The following MDGA2 variants were observed in gnomAD, a reference collection of about 807,000 sequenced individuals.
MDGA2 encodes the protein MAM domain-containing glycosylphosphatidylinositol anchor protein 2.
Under a neutral mutation model 117.8 loss-of-function variants are expected in MDGA2, and 40 were observed. That is an observed-to-expected ratio of 0.34 (90% confidence interval 0.26 to 0.44). The LOEUF (loss-of-function observed/expected upper bound fraction) is 0.44. MDGA2 is among the 20% of genes least tolerant of loss of function. The pLI, the probability that MDGA2 is intolerant of heterozygous loss-of-function variation, is 1.00. For missense variants in MDGA2, 1,123 were observed against 1,250.6 expected (o/e 0.90, Z 1.54); for synonymous variants, 452 against 439.0 (o/e 1.03, Z -0.37).
rs568425777 is a variant in MDGA2, at chr14:47,302,606, A to G, written c.281-1056T>C. Among the ~76,000 whole-genome samples, 220 of 152,258 alleles carry G rather than the reference A, an allele frequency of 1.4e-3. 1 individual carries two copies. Among genetic ancestry groups the G allele is most frequent in the African/African-American group, 5.1e-3 (214 of 41,576 alleles). ...TAACGCCAGTGCCAGCATATTAGGAATGTTTTATCTAACATTAAAGACAAT... is the reference window on the plus strand; with the variant it reads ...TAACGCCAGTGCCAGCATATTAGGAGTGTTTTATCTAACATTAAAGACAAT... On this transcript the variant is annotated intron_variant, in intron 1 of 16. Transcript: ENST00000399232.
intron 3 of MDGA2, among the ~76,000 whole-genome samples, chr14:47,212,933 C>T (rs1166499816): frequency 6.6e-6 from 1 of 152,110 alleles, no homozygotes; most frequent in East Asian, 1.9e-4. Context: ...TTCAATCTGT[C>T]CCGGTTGCTT....
chr14:46,943,622 C>T (rs1450721246), intron 9 of MDGA2, among the ~76,000 whole-genome samples: 2 of 151,990 alleles, frequency 1.3e-5, no homozygotes, highest in Non-Finnish European at 2.9e-5. Flanking sequence ...TCTGAGGTCC[C>T]TATTTACTTC....
At chr14:47,248,141 T>C (rs1887312567) in intron 2 of MDGA2, among the ~76,000 whole-genome samples, 1 of 151,678 alleles carries the variant, frequency 6.6e-6, no homozygotes, top group Admixed American at 6.6e-5. Flanking sequence ...GAATGATTTA[T>C]AATCCTTTGG....
intron 1 of MDGA2, among the ~76,000 whole-genome samples, chr14:47,491,401 A>C (rs2138654230): frequency 6.6e-6 from 1 of 152,254 alleles, no homozygotes; most frequent in South Asian, 2.1e-4. Flanking sequence ...TATGAGAATA[A>C]GGGGCGTGTT....
chr14:47,106,558 T>C (rs1473179307), intron 5 of MDGA2, among the ~76,000 whole-genome samples: 1 of 151,866 alleles, frequency 6.6e-6, no homozygotes, highest in Non-Finnish European at 1.5e-5. Context: ...ATCGGACTGT[T>C]CAACTCACCT....
At chr14:46,857,623 C>A (rs897390493) in intron 14 of MDGA2, among the ~76,000 whole-genome samples, 1 of 151,848 alleles carries the variant, frequency 6.6e-6, no homozygotes, top group Non-Finnish European at 1.5e-5. Context: ...TAAGTCTTTT[C>A]CATTAATTCT....
intron 1 of MDGA2, among the ~76,000 whole-genome samples, chr14:47,543,687 A>G (rs947378835): frequency 1.3e-5 from 2 of 152,254 alleles, no homozygotes; most frequent in African/African-American, 4.8e-5. Context: ...TGCTAGAGGT[A>G]TAGTCATAAA....
chr14:47,163,604 T>C (rs1271191150), intron 3 of MDGA2, among the ~76,000 whole-genome samples: 3 of 152,150 alleles, frequency 2.0e-5, no homozygotes. Context: ...CATGGAACTG[T>C]AAGTCCAATA....
chr14:47,577,023 T>A (rs1896128440), intron 1 of MDGA2, among the ~76,000 whole-genome samples: 1 of 152,082 alleles, frequency 6.6e-6, no homozygotes, highest in Non-Finnish European at 1.5e-5. Context: ...AGTGCTAAGA[T>A]TACAAGCACG....
chr14:47,195,644 T>A (rs1442519304), intron 3 of MDGA2, among the ~76,000 whole-genome samples: 1 of 152,088 alleles, frequency 6.6e-6, no homozygotes, highest in Admixed American at 6.5e-5. Context: ...TTGACTTTTG[T>A]TGTGTATCTT....
intron 4 of MDGA2, among the ~76,000 whole-genome samples, chr14:47,135,612 T>G (rs1882414846): frequency 6.6e-6 from 1 of 152,132 alleles, no homozygotes; most frequent in Non-Finnish European, 1.5e-5. Flanking sequence ...CTTTTCTTTT[T>G]TTTTCAGGGG....
chr14:47,318,139 T>C (rs879385331), intron 1 of MDGA2, among the ~76,000 whole-genome samples: 3 of 152,132 alleles, frequency 2.0e-5, no homozygotes, highest in East Asian at 1.9e-4. Context: ...ACCTATCCCA[T>C]TGAATCTCCA....
At chr14:47,101,127 AGAT>A (rs1566624393) in intron 5 of MDGA2, among the ~76,000 whole-genome samples, 8 of 61,422 alleles carry the variant, frequency 1.3e-4, no homozygotes, top group Admixed American at 4.5e-4. Flanking sequence ...ATAGATAGAC[AGAT>A]AGATAGAAAG....
chr14:47,051,274 C>T (rs929997593), intron 7 of MDGA2, among the ~76,000 whole-genome samples: 21 of 151,782 alleles, frequency 1.4e-4, no homozygotes, highest in Admixed American at 3.3e-4. Flanking sequence ...ATTTTAAATC[C>T]GTGCTAATAA....
At chr14:46,958,208 T>A (rs929264525) in intron 8 of MDGA2, among the ~76,000 whole-genome samples, 10 of 152,070 alleles carry the variant, frequency 6.6e-5, no homozygotes, top group African/African-American at 2.4e-4. Context: ...TCTTCCAGAA[T>A]GTATAGGAGA....
chr14:47,095,293 A>G (rs993009889), intron 6 of MDGA2, among the ~76,000 whole-genome samples: 1 of 152,008 alleles, frequency 6.6e-6, no homozygotes, highest in Admixed American at 6.6e-5. Context: ...TTAAAATAAA[A>G]TCTCAGAGGC....
intron 1 of MDGA2, among the ~76,000 whole-genome samples, chr14:47,375,998 A>C (rs1435218575): frequency 6.6e-6 from 1 of 152,116 alleles, no homozygotes; most frequent in Non-Finnish European, 1.5e-5. Context: ...TATATTTACA[A>C]GATTATTCCA....
intron 1 of MDGA2, among the ~76,000 whole-genome samples, chr14:47,556,859 T>C (rs1895693424): frequency 6.6e-6 from 1 of 152,228 alleles, no homozygotes; most frequent in South Asian, 2.1e-4. Context: ...TTATGTGGTG[T>C]TTGATTATTT....
At chr14:46,962,220 G>C (rs894907697) in intron 8 of MDGA2, among the ~76,000 whole-genome samples, 3 of 152,110 alleles carry the variant, frequency 2.0e-5, no homozygotes, top group African/African-American at 7.2e-5. Flanking sequence ...ACTTGAATTT[G>C]AGTTAAAAAT....
Sources: gnomAD v4.1 joint callset for allele counts (sites outside exome capture counted in the v4.1 genomes callset) on GRCh38, gnomAD v4.1.1 for gene constraint, MANE v1.5 for transcripts, NCBI Gene and HGNC (gene_info 2026-07-23, HGNC 2026-07-21) for gene names.